Variants in SEZ6L observed in about 807,000 individuals in gnomAD.
SEZ6L encodes seizure related 6 homolog like.
Under a neutral mutation model 106.2 loss-of-function variants are expected in SEZ6L, and 37 were observed. The ratio of observed to expected loss-of-function variants is 0.35; its 90% CI spans 0.27 to 0.46. The LOEUF is 0.46. SEZ6L is among the 20% of genes least tolerant of loss of function. SEZ6L has a pLI of 1.00. For missense variants in SEZ6L, 1,172 were observed against 1,332.8 expected (o/e 0.88, Z 1.88); for synonymous variants, 541 against 570.4 (o/e 0.95, Z 0.73).
intron 12 of SEZ6L, among the ~76,000 whole-genome samples, chr22:26,357,284 A>T (rs2083469712): frequency 6.6e-6 from 1 of 152,120 alleles, no homozygotes; most frequent in Non-Finnish European, 1.5e-5. Context: ...ACCCCCTGTG[A>T]GTTCCTGGTG....
At chr22:26,316,501 G>A (rs965862726) in intron 9 of SEZ6L, among the ~76,000 whole-genome samples, 2 of 151,742 alleles carry the variant, frequency 1.3e-5, no homozygotes, top group East Asian at 1.9e-4. Context: ...TTCTATAATA[G>A]CATGAAAGAG....
intron 1 of SEZ6L, among the ~76,000 whole-genome samples, chr22:26,206,579 C>T (rs995022791): frequency 2.2e-4 from 33 of 152,186 alleles, no homozygotes; most frequent in African/African-American, 7.5e-4. Context: ...AAACCACAGC[C>T]ATCTGATTAA....
At chr22:26,266,294 C>T (rs558936019) in intron 1 of SEZ6L, among the ~76,000 whole-genome samples, 2 of 151,922 alleles carry the variant, frequency 1.3e-5, no homozygotes, top group African/African-American at 4.8e-5. Context: ...GGCACGGTGG[C>T]TTACGCCTGT....
rs1362661743 is a variant in SEZ6L, at chr22:26,169,490, G to A, written c.-180G>A. 6 of 344,160 alleles carry A rather than the reference G, an allele frequency of 1.7e-5. No homozygotes were observed. Among genetic ancestry groups the A allele is most frequent in the Non-Finnish European group, 3.1e-5 (6 of 191,886 alleles). 21.3% of individuals were successfully genotyped at this position (344,160 alleles called of 1,614,324 possible). A position where few individuals can be genotyped will look rare whatever the true frequency, so the allele number is the denominator to read the frequency against. ...CGCCCGCCCGCGCCCGGCGCAGCTC[G>A]GCCAGAGCGACCGCGGGGCTGAGCG... On this transcript the variant is annotated 5_prime_UTR_variant, in exon 1 of 17. Coordinates refer to ENST00000248933, the MANE Select transcript of SEZ6L (RefSeq NM_021115.5).
At chr22:26,226,257 T>C (rs1011331527) in intron 1 of SEZ6L, among the ~76,000 whole-genome samples, 2 of 152,332 alleles carry the variant, frequency 1.3e-5, no homozygotes, top group Middle Eastern at 3.4e-3. Context: ...TGACTCCCCA[T>C]TGCTTTCAGA....
intron 10 of SEZ6L, among the ~76,000 whole-genome samples, chr22:26,344,858 G>A (rs1212073895): frequency 6.6e-6 from 1 of 152,180 alleles, no homozygotes; most frequent in African/African-American, 2.4e-5. Flanking sequence ...TGAGAACAAT[G>A]AGGCTTAGAG....
chr22:26,331,504 A>G (rs2082479315), intron 9 of SEZ6L, among the ~76,000 whole-genome samples: 1 of 152,202 alleles, frequency 6.6e-6, no homozygotes, highest in Admixed American at 6.5e-5. Context: ...ATCTTTCTAA[A>G]TATTTCAAAA....
rs370826236 is a variant in SEZ6L, at chr22:26,333,547, A to AGTCTACTCTGTGCAAGATCTGAGCCC, written c.2016-6887_2016-6862dup. On this transcript the variant is annotated intron_variant, in intron 9 of 16. Coordinates refer to ENST00000248933, the MANE Select transcript of SEZ6L (RefSeq NM_021115.5). Reference sequence around the variant, plus strand: ...AGGTAGGAATTGGGGTCAAAGCCACAGTCTACTCTGTGCAAGATCTGAGCC... The same window carrying AGTCTACTCTGTGCAAGATCTGAGCCC: ...AGGTAGGAATTGGGGTCAAAGCCACAGTCTACTCTGTGCAAGATCTGAGCCCGTCTACTCTGTGCAAGATCTGAGCC... 7.1e-3 allele frequency among the ~76,000 whole-genome samples: 1,080 copies of AGTCTACTCTGTGCAAGATCTGAGCCC among 152,256 alleles called. 21 individuals carry two copies. The highest frequency in any genetic ancestry group is 0.025 in the African/African-American group (1,020 of 41,516).
chr22:26,265,841 C>T (rs2080158546), intron 1 of SEZ6L, among the ~76,000 whole-genome samples: 1 of 152,092 alleles, frequency 6.6e-6, no homozygotes. Context: ...AGGATCATTC[C>T]CAACCTCTGC....
chr22:26,299,644 T>C (rs989695740), intron 5 of SEZ6L, among the ~76,000 whole-genome samples: 2 of 152,392 alleles, frequency 1.3e-5, no homozygotes, highest in Admixed American at 1.3e-4. Context: ...TGTTGTAGCA[T>C]GTATCAGTAC....
intron 1 of SEZ6L, among the ~76,000 whole-genome samples, chr22:26,172,358 ATCT>A (rs1405142213): frequency 6.6e-6 from 1 of 152,176 alleles, no homozygotes. Flanking sequence ...TGAGGGATTC[ATCT>A]TGTGTTCATA....
At chr22:26,329,530 CA>C (rs2082418147) in intron 9 of SEZ6L, among the ~76,000 whole-genome samples, 1 of 152,116 alleles carries the variant, frequency 6.6e-6, no homozygotes, top group African/African-American at 2.4e-5. Context: ...ATTAGGGAGC[CA>C]AAGATACTGG....
intron 1 of SEZ6L, among the ~76,000 whole-genome samples, chr22:26,188,277 A>T (rs1939934682): frequency 6.6e-6 from 1 of 152,188 alleles, no homozygotes; most frequent in South Asian, 2.1e-4. Context: ...CAGTGGCTTA[A>T]AATAACAAAT....
At chr22:26,183,916 T>A (rs1939584226) in intron 1 of SEZ6L, among the ~76,000 whole-genome samples, 1 of 152,214 alleles carries the variant, frequency 6.6e-6, no homozygotes. Context: ...TAAATAGTCA[T>A]TTCTTATGCT....
chr22:26,370,631 C>T (rs2083998505), intron 13 of SEZ6L, among the ~76,000 whole-genome samples: 1 of 151,772 alleles, frequency 6.6e-6, no homozygotes, highest in Admixed American at 6.6e-5. Context: ...AGTGTCACAC[C>T]TTTCCCTAGT....
At chr22:26,258,320 G>T (rs1339385947) in intron 1 of SEZ6L, among the ~76,000 whole-genome samples, 1 of 152,228 alleles carries the variant, frequency 6.6e-6, no homozygotes, top group East Asian at 1.9e-4. Flanking sequence ...GCATGTGTCA[G>T]ACATGTGAAT....
rs138692969 is a variant in SEZ6L, at chr22:26,306,075, C to T, written c.1445C>T (p.Thr482Met). Residue 482 changes from threonine to methionine, a missense_variant, in exon 6 of 17, where the codon ACG becomes ATG. Physicochemically the swap from Thr to Met is moderately conservative, Grantham distance 81. Transcript: ENST00000248933. ...NTNGSQFCIW[T>M]IEAPEGQKLH... ...AATGGGAGCCAATTCTGCATCTGGA[C>T]GATTGAAGCTCCAGAGGGCCAGAAG... 2.2e-4 allele frequency: 353 copies of T among 1,614,110 alleles called. 1 individual carries two copies. In the African/African-American group the frequency reaches 2.9e-3, roughly 13 times the overall value.
At position 26,348,588 on chromosome 22, in the gene SEZ6L, GAAA is replaced by G. The variant is rs2083101865; in HGVS notation, c.2407+676_2407+678del. Among the ~76,000 whole-genome samples the G allele has an allele frequency of 7.7e-5, 4 of 51,776 alleles. 1 individual carries two copies. The highest frequency in any genetic ancestry group is 5.5e-4 in the African/African-American group (4 of 7,318). The allele number at this position is 51,776 out of a possible 152,430, so 34.0% of individuals were successfully genotyped here. ...GAGGAAAGAAAGAAAGAAAGAAAGA[GAAA>G]GAAAGAAAGAAAGAAAGAGAAAAAG... On this transcript the variant is annotated intron_variant, in intron 11 of 16. Transcript: ENST00000248933.
At chr22:26,311,584 T>C (rs653393) in intron 7 of SEZ6L, among the ~76,000 whole-genome samples, 184 bp from the exon 8 acceptor site, 69,951 of 152,016 alleles carry the variant, frequency 0.46, 17,588 homozygotes, top group African/African-American at 0.63. Flanking sequence ...TTAAATGAGG[T>C]CCCAAGGAGT....
Sources: gnomAD v4.1 joint callset for allele counts (sites outside exome capture counted in the v4.1 genomes callset) on GRCh38, gnomAD v4.1.1 for gene constraint, MANE v1.5 for transcripts, NCBI Gene and HGNC (gene_info 2026-07-23, HGNC 2026-07-21) for gene names.